PODXL2: variants seen among roughly 807,000 people sequenced by gnomAD.
PODXL2 encodes the protein podocalyxin-like protein 2.
PODXL2 carries 17 observed loss-of-function variants against 53.4 expected under a neutral mutation model. The ratio of observed to expected loss-of-function variants is 0.32; its 90% CI spans 0.22 to 0.48. The LOEUF (loss-of-function observed/expected upper bound fraction) is 0.48, where lower values mean the gene tolerates loss of function less well. Among genes scored for constraint, PODXL2 ranks in the 20% least tolerant of loss-of-function variants. The pLI is 0.99. For synonymous variants in PODXL2, 311 were observed against 306.7 expected, an observed-to-expected ratio of 1.01 and a Z score of -0.15; for missense variants, 673 against 760.0, an observed-to-expected ratio of 0.89 and a Z score of 1.35.
intron 2 of PODXL2, among the ~76,000 whole-genome samples, chr3:127,650,849 C>T (rs552380738): frequency 2.0e-5 from 3 of 152,064 alleles, no homozygotes; most frequent in South Asian, 2.1e-4. Flanking sequence ...TTAGTAGAGA[C>T]GGGGTTTCAC....
chr3:127,650,279 A>G (rs1214977181), intron 2 of PODXL2, among the ~76,000 whole-genome samples: 1 of 152,252 alleles, frequency 6.6e-6, no homozygotes, highest in African/African-American at 2.4e-5. Flanking sequence ...AACTGGGGAA[A>G]GAAACCTATA....
intron 2 of PODXL2, among the ~76,000 whole-genome samples, chr3:127,657,874 A>G (rs909977738): frequency 8.5e-5 from 13 of 152,200 alleles, no homozygotes; most frequent in Non-Finnish European, 1.9e-4. Flanking sequence ...TTATTCTTCT[A>G]TATACTTGTT....
At chr3:127,671,341 C>G in intron 6 of PODXL2, 93 bp from the exon 7 acceptor site, 1 of 1,150,016 alleles carries the variant, frequency 8.7e-7, no homozygotes, top group Non-Finnish European at 1.3e-6. Context: ...TAAGCCTGCT[C>G]CCCCATCCCC....
chr3:127,664,306 A>G (rs183875640), intron 4 of PODXL2, among the ~76,000 whole-genome samples: 13 of 151,440 alleles, frequency 8.6e-5, no homozygotes, highest in African/African-American at 3.2e-4. Context: ...GGGTTCATCC[A>G]TTTGGTAGCA....
chr3:127,661,292 C>A, intron 3 of PODXL2, 133 bp downstream of exon 3: 1 of 658,230 alleles, frequency 1.5e-6, no homozygotes, highest in Non-Finnish European at 2.6e-6. Flanking sequence ...ACGTAGAACC[C>A]CATGGAACTT....
chr3:127,646,488 A>C (rs534151750), intron 2 of PODXL2, among the ~76,000 whole-genome samples: 1 of 152,052 alleles, frequency 6.6e-6, no homozygotes. Flanking sequence ...CCCAGGTTCA[A>C]GTGATTCTCC....
chr3:127,640,158 G>A lies in PODXL2; in HGVS notation c.349+635G>A, dbSNP rs1476440621. Among the ~76,000 whole-genome samples, 7 of 152,328 alleles carry A rather than the reference G, an allele frequency of 4.6e-5. No individual in the cohort carries two copies. In the South Asian group the frequency reaches 1.0e-3, roughly 23 times the overall value. On this transcript the variant is annotated intron_variant, in intron 2 of 7. Transcript: ENST00000342480. ...AGGGCTCCAGGTTTGAATGCCCACC[G>A]CCATGAGCTGACATTGATACAGATG...
At chr3:127,642,286 T>C (rs1361987395) in intron 2 of PODXL2, among the ~76,000 whole-genome samples, 2 of 129,026 alleles carry the variant, frequency 1.6e-5, no homozygotes, top group South Asian at 2.5e-4. Flanking sequence ...CGAGACTCCA[T>C]CTCAGAAAAA....
At chr3:127,641,505 G>A (rs1576427809) in intron 2 of PODXL2, among the ~76,000 whole-genome samples, 2 of 151,866 alleles carry the variant, frequency 1.3e-5, no homozygotes, top group South Asian at 4.2e-4. Flanking sequence ...CACTGTGCCT[G>A]GCTTATAACT....
chr3:127,651,300 G>A (rs2074687652), intron 2 of PODXL2, among the ~76,000 whole-genome samples: 1 of 152,026 alleles, frequency 6.6e-6, no homozygotes, highest in Non-Finnish European at 1.5e-5. Context: ...TGAATCCAGA[G>A]TTTTCACAAG....
intron 7 of PODXL2, 40 bp downstream of exon 7, chr3:127,671,653 G>A (rs1399108662): frequency 1.9e-6 from 3 of 1,586,842 alleles, no homozygotes; most frequent in South Asian, 2.2e-5. Flanking sequence ...CCAGTTGAGA[G>A]GAGAGTGCCC....
At chr3:127,631,398 C>T (rs555469451) in intron 1 of PODXL2, among the ~76,000 whole-genome samples, 17 of 152,220 alleles carry the variant, frequency 1.1e-4, no homozygotes, top group African/African-American at 3.9e-4. Flanking sequence ...ACATGAGGAT[C>T]GCTGGGGTCT....
At chr3:127,639,213 C>G in intron 1 of PODXL2, 32 bp from the exon 2 acceptor site, 1 of 1,555,140 alleles carries the variant, frequency 6.4e-7, no homozygotes, top group Admixed American at 2.0e-5. Flanking sequence ...TCTCTAGCCT[C>G]CCCTGACTGT....
chr3:127,649,181 C>A (rs2053726551), intron 2 of PODXL2, among the ~76,000 whole-genome samples: 1 of 152,106 alleles, frequency 6.6e-6, no homozygotes, highest in Non-Finnish European at 1.5e-5. Context: ...GTGGTATACA[C>A]ATCTTGCTGT....
At chr3:127,666,920 G>T (rs1227282248) in intron 4 of PODXL2, among the ~76,000 whole-genome samples, 1 of 152,204 alleles carries the variant, frequency 6.6e-6, no homozygotes, top group African/African-American at 2.4e-5. Context: ...CAGCACAGAG[G>T]GCAGGCACTT....
chr3:127,636,622 C>G (rs2074579771), intron 1 of PODXL2, among the ~76,000 whole-genome samples: 1 of 152,222 alleles, frequency 6.6e-6, no homozygotes, highest in African/African-American at 2.4e-5. Context: ...TGGAGCCAGG[C>G]CCTGCCTGGA....
intron 7 of PODXL2, among the ~76,000 whole-genome samples, 167 bp downstream of exon 7, chr3:127,671,780 C>G (rs546997140): frequency 5.3e-5 from 8 of 152,326 alleles, no homozygotes; most frequent in Non-Finnish European, 1.0e-4. Flanking sequence ...GGCACCAGCC[C>G]CAGGACAGGT....
At chr3:127,651,038 G>T (rs376973145) in intron 2 of PODXL2, among the ~76,000 whole-genome samples, 2 of 152,208 alleles carry the variant, frequency 1.3e-5, no homozygotes, top group African/African-American at 2.4e-5. Flanking sequence ...GCCGAGACGG[G>T]TGGATCACCT....
At chr3:127,633,563 G>T (rs2074560536) in intron 1 of PODXL2, among the ~76,000 whole-genome samples, 1 of 152,016 alleles carries the variant, frequency 6.6e-6, no homozygotes, top group Non-Finnish European at 1.5e-5. Flanking sequence ...ATCCCACCAG[G>T]CCTCAGTTAT....
Sources: gnomAD v4.1 joint callset for allele counts (sites outside exome capture counted in the v4.1 genomes callset) on GRCh38, gnomAD v4.1.1 for gene constraint, MANE v1.5 for transcripts, NCBI Gene and HGNC (gene_info 2026-07-23, HGNC 2026-07-21) for gene names.